The following CDH12 variants were observed in gnomAD, a reference collection of about 807,000 sequenced individuals.
CDH12 encodes the protein cadherin-12.
CDH12 carries 41 observed loss-of-function variants against 74.1 expected under a neutral mutation model. That is an observed-to-expected ratio of 0.55 (90% confidence interval 0.43 to 0.72). The LOEUF (loss-of-function observed/expected upper bound fraction) is 0.72. CDH12 is among the 30% of genes least tolerant of loss of function. CDH12 has a pLI of 0.00. For missense variants in CDH12, 945 were observed against 977.2 expected (o/e 0.97, Z 0.44); for synonymous variants, 399 against 355.0 (o/e 1.12, Z -1.39).
chr5:22,711,190 C>T (rs1743269425), intron 1 of CDH12, among the ~76,000 whole-genome samples: 1 of 151,894 alleles, frequency 6.6e-6, no homozygotes, highest in Non-Finnish European at 1.5e-5. Context: ...AAAGTGTAAA[C>T]AGATGTCATA....
intron 13 of CDH12, among the ~76,000 whole-genome samples, chr5:21,759,683 A>C (rs370394079): frequency 6.6e-6 from 1 of 151,994 alleles, no homozygotes; most frequent in Non-Finnish European, 1.5e-5. Flanking sequence ...TTATTTATTT[A>C]TTTTTTAACG....
At chr5:21,971,905 T>A (rs2150119979) in intron 6 of CDH12, among the ~76,000 whole-genome samples, 1 of 152,280 alleles carries the variant, frequency 6.6e-6, no homozygotes, top group Admixed American at 6.5e-5. Context: ...CGGAGTGATC[T>A]TTCTCTTAAA....
intron 8 of CDH12, among the ~76,000 whole-genome samples, chr5:21,828,638 A>G (rs964248699): frequency 1.3e-5 from 2 of 152,212 alleles, no homozygotes; most frequent in Admixed American, 6.5e-5. Context: ...AATATTCATC[A>G]TATATTCGTG....
intron 2 of CDH12, among the ~76,000 whole-genome samples, chr5:22,425,172 A>ATAAATATATATATATATATACAT (rs1554039892): frequency 2.4e-5 from 2 of 83,448 alleles, no homozygotes; most frequent in African/African-American, 8.8e-5. Context: ...TATATATATA[A>ATAAATATATATATATATATACAT]ATATATATAT....
At chr5:22,245,856 T>C (rs1040112060) in intron 3 of CDH12, among the ~76,000 whole-genome samples, 3 of 152,118 alleles carry the variant, frequency 2.0e-5, no homozygotes, top group Admixed American at 6.6e-5. Context: ...ATTGCCCAGC[T>C]TTATTACCCT....
At chr5:22,306,777 G>A (rs1738135335) in intron 3 of CDH12, among the ~76,000 whole-genome samples, 1 of 152,056 alleles carries the variant, frequency 6.6e-6, no homozygotes, top group South Asian at 2.1e-4. Flanking sequence ...GTACATCAGT[G>A]CTGCTTAAGA....
chr5:21,812,980 T>C (rs1210471128), intron 9 of CDH12, among the ~76,000 whole-genome samples: 1 of 152,222 alleles, frequency 6.6e-6, no homozygotes, highest in Non-Finnish European at 1.5e-5. Context: ...CAGATGATGA[T>C]AATATTTATA....
intron 3 of CDH12, among the ~76,000 whole-genome samples, chr5:22,363,996 C>A (rs1399212351): frequency 6.6e-6 from 1 of 152,052 alleles, no homozygotes; most frequent in East Asian, 1.9e-4. Flanking sequence ...GCCTTCATGC[C>A]CCTCCCCTCA....
chr5:22,051,219 G>A (rs1452129525), intron 5 of CDH12, among the ~76,000 whole-genome samples: 2 of 151,982 alleles, frequency 1.3e-5, no homozygotes, highest in Non-Finnish European at 2.9e-5. Context: ...CCCCATCCTT[G>A]ATGTTATTTA....
At chr5:22,406,031 T>G (rs1431264103) in intron 2 of CDH12, among the ~76,000 whole-genome samples, 3 of 152,190 alleles carry the variant, frequency 2.0e-5, no homozygotes, top group African/African-American at 7.2e-5. Context: ...ACGGATGCAA[T>G]TTTTTAAAGC....
chr5:22,174,748 C>T (rs546454457), intron 4 of CDH12, among the ~76,000 whole-genome samples: 2 of 151,922 alleles, frequency 1.3e-5, no homozygotes, highest in South Asian at 2.1e-4. Flanking sequence ...TCTAATTAAC[C>T]GAATCCACCA....
chr5:22,763,600 C>CTCT (rs1203375677), intron 1 of CDH12, among the ~76,000 whole-genome samples: 4 of 151,904 alleles, frequency 2.6e-5, no homozygotes, highest in African/African-American at 9.7e-5. Context: ...TTAATCCATT[C>CTCT]TCTTCTATAT....
At chr5:21,775,244 G>T (rs954739751) in intron 11 of CDH12, among the ~76,000 whole-genome samples, 1 of 152,224 alleles carries the variant, frequency 6.6e-6, no homozygotes, top group African/African-American at 2.4e-5. Context: ...ACACCTCTTT[G>T]TCACTTTGTT....
chr5:22,721,785 T>G (rs188854887), intron 1 of CDH12, among the ~76,000 whole-genome samples: 2 of 152,248 alleles, frequency 1.3e-5, no homozygotes, highest in East Asian at 3.9e-4. Context: ...GTTGTCATGA[T>G]AGAGAGTGAG....
At chr5:21,922,309 G>A (rs931552119) in intron 6 of CDH12, among the ~76,000 whole-genome samples, 2 of 152,070 alleles carry the variant, frequency 1.3e-5, no homozygotes, top group African/African-American at 2.4e-5. Flanking sequence ...CAGTGAATAA[G>A]TGTTTGCTAC....
chr5:22,707,278 T>G (rs1329722281), intron 1 of CDH12, among the ~76,000 whole-genome samples: 3 of 152,228 alleles, frequency 2.0e-5, no homozygotes, highest in Non-Finnish European at 4.4e-5. Flanking sequence ...TAATCATTTG[T>G]GCAAATTAAA....
chr5:22,456,556 G>A (rs1745283779), intron 2 of CDH12, among the ~76,000 whole-genome samples: 1 of 151,714 alleles, frequency 6.6e-6, no homozygotes, highest in Non-Finnish European at 1.5e-5. Context: ...CAGAACAAAA[G>A]ATTTAACACG....
chr5:22,133,266 G>A (rs1746274657), intron 4 of CDH12, among the ~76,000 whole-genome samples: 1 of 152,040 alleles, frequency 6.6e-6, no homozygotes, highest in South Asian at 2.1e-4. Flanking sequence ...GAATTTCATA[G>A]CATACCTTTG....
At chr5:22,025,501 G>A (rs1214837389) in intron 5 of CDH12, among the ~76,000 whole-genome samples, 1 of 152,096 alleles carries the variant, frequency 6.6e-6, no homozygotes, top group Admixed American at 6.6e-5. Flanking sequence ...TCACTGAATA[G>A]CCTTGCCTTG....
Sources: gnomAD v4.1 joint callset for allele counts (sites outside exome capture counted in the v4.1 genomes callset) on GRCh38, gnomAD v4.1.1 for gene constraint, MANE v1.5 for transcripts, NCBI Gene and HGNC (gene_info 2026-07-23, HGNC 2026-07-21) for gene names.